AP3B1: variants seen among roughly 807,000 people sequenced by gnomAD.
AP3B1 encodes adaptor related protein complex 3 subunit beta 1.
Under a neutral mutation model 132.5 loss-of-function variants are expected in AP3B1, and 61 were observed. That is an observed-to-expected ratio of 0.46 (90% confidence interval 0.37 to 0.57). AP3B1 has a LOEUF of 0.57. Among genes scored for constraint, AP3B1 ranks in the 20% least tolerant of loss-of-function variants. AP3B1 has a pLI of 0.00. For synonymous variants in AP3B1, 388 were observed against 438.3 expected (o/e 0.89, Z 1.43); for missense variants, 1,120 against 1,289.4 (o/e 0.87, Z 2.01).
intron 22 of AP3B1, among the ~76,000 whole-genome samples, chr5:78,056,556 T>A (rs986841019): frequency 6.6e-6 from 1 of 152,204 alleles, no homozygotes; most frequent in African/African-American, 2.4e-5. Flanking sequence ...ATTGCTGTAT[T>A]TATTGATAGT....
At chr5:78,188,776 G>A (rs771626014) in intron 7 of AP3B1, among the ~76,000 whole-genome samples, 17 of 151,974 alleles carry the variant, frequency 1.1e-4, no homozygotes, top group East Asian at 3.9e-4. Flanking sequence ...ATATATGCAC[G>A]CAAATGTTCA....
At chr5:78,146,303 T>A (rs1363968314) in intron 14 of AP3B1, among the ~76,000 whole-genome samples, 1 of 152,206 alleles carries the variant, frequency 6.6e-6, no homozygotes. Flanking sequence ...GGGTAACTTG[T>A]GGTTGACCAT....
At chr5:78,007,256 A>T (rs1044577081) in intron 26 of AP3B1, among the ~76,000 whole-genome samples, 1 of 152,228 alleles carries the variant, frequency 6.6e-6, no homozygotes, top group African/African-American at 2.4e-5. Flanking sequence ...AGTCACAAAC[A>T]TAACATTTTT....
Position 78,010,760 on chromosome 5 carries a change from A to T in AP3B1, c.3131+4650T>A, listed in dbSNP as rs890409759. ...CCTTTCACCTTTGCAGTCCATTCATATACTGGTTTAATGCTGTCCATTTTG... is the reference window on the plus strand; with the variant it reads ...CCTTTCACCTTTGCAGTCCATTCATTTACTGGTTTAATGCTGTCCATTTTG... On this transcript the variant is annotated intron_variant, in intron 26 of 26. Transcript: ENST00000255194. Among the ~76,000 whole-genome samples the T allele has an allele frequency of 3.3e-5, 5 of 152,244 alleles. 1 individual carries two copies. Among genetic ancestry groups the T allele is most frequent in the Admixed American group, 2.6e-4 (4 of 15,290 alleles).
In AP3B1 at chr5:78,034,342, G is replaced by A. The variant is rs766697995; in HGVS notation, c.2894+19C>T. ...TCCTTTACAGGTTATATAAAAAATA[G>A]AAGAACAATTGAACTTACCACAACT... On this transcript the variant is annotated intron_variant, in intron 24 of 26. Coordinates refer to ENST00000255194, the MANE Select transcript of AP3B1 (RefSeq NM_003664.5). The A allele has an allele frequency of 3.8e-6, 6 of 1,585,782 alleles. No individual in the cohort carries two copies. Among genetic ancestry groups the A allele is most frequent in the South Asian group, 1.1e-5 (1 of 90,454 alleles).
chr5:78,031,457 A>T (rs1747572253), intron 24 of AP3B1, among the ~76,000 whole-genome samples: 1 of 152,162 alleles, frequency 6.6e-6, no homozygotes, highest in Non-Finnish European at 1.5e-5. Flanking sequence ...CTTCACACAA[A>T]CTCAAACCCT....
chr5:78,229,163 T>C (rs1746524224), intron 3 of AP3B1, among the ~76,000 whole-genome samples: 1 of 152,122 alleles, frequency 6.6e-6, no homozygotes, highest in African/African-American at 2.4e-5. Context: ...CTCAAACTCC[T>C]GGGCTTAACT....
intron 1 of AP3B1, among the ~76,000 whole-genome samples, chr5:78,278,839 C>T (rs1748914028): frequency 6.6e-6 from 1 of 152,002 alleles, no homozygotes; most frequent in South Asian, 2.1e-4. Context: ...AGTGCAAACC[C>T]TCTTGTAAAC....
At chr5:78,097,964 GA>G (rs753931087) in intron 21 of AP3B1, among the ~76,000 whole-genome samples, 1 of 152,174 alleles carries the variant, frequency 6.6e-6, no homozygotes, top group Non-Finnish European at 1.5e-5. Context: ...GGATCCTGTT[GA>G]TCCTGTGACC....
chr5:78,277,927 T>C (rs1748852891), intron 1 of AP3B1, among the ~76,000 whole-genome samples: 1 of 141,638 alleles, frequency 7.1e-6, no homozygotes, highest in Non-Finnish European at 1.6e-5. Flanking sequence ...ACAGGACATC[T>C]TCATATTTGC....
chr5:78,167,575 T>C (rs562846227), intron 11 of AP3B1, among the ~76,000 whole-genome samples: 4 of 152,106 alleles, frequency 2.6e-5, no homozygotes, highest in Middle Eastern at 3.4e-3. Flanking sequence ...GGCAAAAATA[T>C]GGAACCAGCC....
At chr5:78,276,248 T>C (rs545399548) in intron 1 of AP3B1, among the ~76,000 whole-genome samples, 1 of 152,142 alleles carries the variant, frequency 6.6e-6, no homozygotes, top group African/African-American at 2.4e-5. Flanking sequence ...TTTTATTTTT[T>C]GTAGAGATAG....
At chr5:78,016,227 C>T (rs1385537862) in intron 25 of AP3B1, among the ~76,000 whole-genome samples, 1 of 151,720 alleles carries the variant, frequency 6.6e-6, no homozygotes, top group Admixed American at 6.6e-5. Flanking sequence ...CTCTTAAATC[C>T]CAGGGACATT....
At chr5:78,043,739 G>A (rs960749219) in intron 22 of AP3B1, 4 of 405,204 alleles carry the variant, frequency 9.9e-6, no homozygotes, top group Admixed American at 5.6e-5. Context: ...TCTGCCACAA[G>A]GTAGGCAGAA....
At chr5:78,115,278 G>A (rs1176301985) in intron 18 of AP3B1, among the ~76,000 whole-genome samples, 1 of 152,262 alleles carries the variant, frequency 6.6e-6, no homozygotes, top group East Asian at 1.9e-4. Context: ...ACAGAGAAAA[G>A]AAGAGTGAAT....
intron 21 of AP3B1, among the ~76,000 whole-genome samples, chr5:78,097,420 G>A (rs1211939052): frequency 7.0e-5 from 9 of 129,260 alleles, no homozygotes; most frequent in East Asian, 2.5e-4. Flanking sequence ...CGCCTCGTCC[G>A]GGAGGTGAGG....
chr5:78,206,381 T>C (rs1054180629), intron 7 of AP3B1, among the ~76,000 whole-genome samples: 2 of 152,208 alleles, frequency 1.3e-5, no homozygotes, highest in African/African-American at 4.8e-5. Context: ...ATACCACATA[T>C]ATATACATGA....
chr5:78,178,620 C>G (rs1744247889), intron 8 of AP3B1, among the ~76,000 whole-genome samples: 1 of 152,058 alleles, frequency 6.6e-6, no homozygotes, highest in African/African-American at 2.4e-5. Flanking sequence ...GACTCTGTCT[C>G]AACAAAACAA....
chr5:78,148,964 G>C (rs1442468524), intron 14 of AP3B1, among the ~76,000 whole-genome samples: 1 of 152,118 alleles, frequency 6.6e-6, no homozygotes, highest in Non-Finnish European at 1.5e-5. Flanking sequence ...TTGGTGGATA[G>C]GAATGCTAGA....
Sources: gnomAD v4.1 joint callset for allele counts (sites outside exome capture counted in the v4.1 genomes callset) on GRCh38, gnomAD v4.1.1 for gene constraint, MANE v1.5 for transcripts, NCBI Gene and HGNC (gene_info 2026-07-23, HGNC 2026-07-21) for gene names.